The following ADAMTS6 variants were observed in gnomAD, a reference collection of about 807,000 sequenced individuals.
ADAMTS6 encodes the protein A disintegrin and metalloproteinase with thrombospondin motifs 6.
Under a neutral mutation model 144.3 loss-of-function variants are expected in ADAMTS6, and 23 were observed. The observed-to-expected ratio is 0.16, with a 90% CI of 0.11 to 0.23. The LOEUF is 0.23. ADAMTS6 is among the 10% of genes least tolerant of loss of function. The pLI is 1.00. For synonymous variants in ADAMTS6, 444 were observed against 457.5 expected (o/e 0.97, Z 0.38); for missense variants, 999 against 1,379.6 (o/e 0.72, Z 4.37).
chr5:65,427,625 C>T (rs985405257), intron 7 of ADAMTS6, among the ~76,000 whole-genome samples: 14 of 151,712 alleles, frequency 9.2e-5, no homozygotes, highest in African/African-American at 2.7e-4. Context: ...GGTGAAACCC[C>T]GTCTCTACTA....
intron 24 of ADAMTS6, among the ~76,000 whole-genome samples, chr5:65,166,934 A>G (rs2112041088): frequency 6.8e-6 from 1 of 146,102 alleles, no homozygotes; most frequent in Admixed American, 6.8e-5. Context: ...AAAGCAGGAA[A>G]GATCCAAAAT....
intron 7 of ADAMTS6, among the ~76,000 whole-genome samples, chr5:65,402,096 G>A (rs1182218181): frequency 1.3e-5 from 2 of 152,012 alleles, no homozygotes; most frequent in African/African-American, 2.4e-5. Flanking sequence ...TTCAAGCATT[G>A]CACTCTCTAC....
chr5:65,318,300 C>T (rs1745216239), intron 9 of ADAMTS6, among the ~76,000 whole-genome samples: 2 of 152,014 alleles, frequency 1.3e-5, no homozygotes, highest in African/African-American at 4.8e-5. Flanking sequence ...ATTAGTACAG[C>T]CACTATGAAG....
chr5:65,267,814 C>T (rs775350432), intron 12 of ADAMTS6, among the ~76,000 whole-genome samples: 1 of 152,094 alleles, frequency 6.6e-6, no homozygotes, highest in Non-Finnish European at 1.5e-5. Flanking sequence ...TAAGATTTTG[C>T]AGGAAGTAAT....
chr5:65,167,222 A>G (rs1753227545), intron 24 of ADAMTS6, among the ~76,000 whole-genome samples: 1 of 151,070 alleles, frequency 6.6e-6, no homozygotes, highest in South Asian at 2.1e-4. Context: ...TCCCACAGAA[A>G]TACAAACTAC....
At chr5:65,227,676 A>G (rs1047815645) in intron 15 of ADAMTS6, among the ~76,000 whole-genome samples, 1 of 152,246 alleles carries the variant, frequency 6.6e-6, no homozygotes, top group Non-Finnish European at 1.5e-5. Flanking sequence ...ATGATAAATT[A>G]GAGACAGCAC....
Position 65,214,894 on chromosome 5 carries a change from C to T in ADAMTS6, c.2475G>A (p.Lys825=), listed in dbSNP as rs555294248. The T allele has an allele frequency of 6.2e-7, 1 of 1,614,078 alleles. No individual in the cohort carries two copies. The highest frequency in any genetic ancestry group is 1.7e-5 in the Admixed American group (1 of 60,016). ...CAGTTCGAGTGATGGGAACATTGAACTTATACCTAATTCCCAAATTCTGTT... is the reference window on the plus strand; with the variant it reads ...CAGTTCGAGTGATGGGAACATTGAATTTATACCTAATTCCCAAATTCTGTT... The part of the protein sequence containing the change: ...LQEQNLGIRY[K]FNVPITRTGS... The change falls in exon 20 of 25, where the codon AAG becomes AAA. Residue 825 remains lysine, a synonymous_variant. Coordinates refer to ENST00000381055, the MANE Select transcript of ADAMTS6 (RefSeq NM_197941.4). The surrounding 1 kb of genome is among the most constrained non-coding windows in gnomAD (Gnocchi z 4.6).
intron 3 of ADAMTS6, among the ~76,000 whole-genome samples, chr5:65,466,191 T>G (rs1422531446): frequency 3.3e-5 from 5 of 152,184 alleles, no homozygotes; most frequent in Admixed American, 1.3e-4. Context: ...TTATCATTGA[T>G]TCTATTTTGT....
At chr5:65,152,629 G>T (rs1233113686) in intron 24 of ADAMTS6, among the ~76,000 whole-genome samples, 1 of 152,182 alleles carries the variant, frequency 6.6e-6, no homozygotes, top group Admixed American at 6.5e-5. Context: ...TGCTAGAACT[G>T]CCACAGTTGC....
intron 7 of ADAMTS6, among the ~76,000 whole-genome samples, chr5:65,375,203 A>T (rs1349080693): frequency 6.6e-6 from 1 of 152,258 alleles, no homozygotes; most frequent in African/African-American, 2.4e-5. Flanking sequence ...GGCATGGGCA[A>T]AGGCTTCATG....
At chr5:65,167,722 G>A (rs1445620588) in intron 24 of ADAMTS6, among the ~76,000 whole-genome samples, 1 of 111,760 alleles carries the variant, frequency 8.9e-6, no homozygotes, top group Non-Finnish European at 1.8e-5. Flanking sequence ...TGCAAGGCTG[G>A]TTCAATATAC....
rs1364247369 is a variant in ADAMTS6, at chr5:65,149,613, T to C, written c.*2223A>G. On this transcript the variant is annotated 3_prime_UTR_variant, in exon 25 of 25. Coordinates refer to ENST00000381055, the MANE Select transcript of ADAMTS6 (RefSeq NM_197941.4). ...TTCCAGGTGAGGTAAAAAATAGCTT[T>C]TAGTCGGTAATAAGAAATCTTTTTG... The C allele has an allele frequency of 2.6e-5, 4 of 152,624 alleles. No individual in the cohort carries two copies. The highest frequency in any genetic ancestry group is 5.9e-5 in the Non-Finnish European group (4 of 68,042). 9.5% of individuals were successfully genotyped at this position (152,624 alleles called of 1,614,324 possible).
At chr5:65,447,115 G>A (rs558708624) in intron 7 of ADAMTS6, among the ~76,000 whole-genome samples, 2 of 152,192 alleles carry the variant, frequency 1.3e-5, no homozygotes, top group Admixed American at 6.5e-5. Context: ...GCATTAGTCT[G>A]TTCGTGCTAA....
chr5:65,240,545 G>T lies in ADAMTS6; in HGVS notation c.1933+1559C>A, dbSNP rs559400935. Among the ~76,000 whole-genome samples, 175 of 152,228 alleles carry T rather than the reference G, an allele frequency of 1.1e-3. 3 individuals are homozygous for T. The South Asian group carries it at 0.03, about 26-fold the overall frequency. On this transcript the variant is annotated intron_variant, in intron 15 of 24. Coordinates refer to ENST00000381055, the MANE Select transcript of ADAMTS6 (RefSeq NM_197941.4). ...AATTTGAAGATGAGGCCTTTGGAAG[G>T]TAACTAGGTCATGACAGTGGAGCCC... is the stretch of plus-strand genomic sequence containing the variant.
intron 7 of ADAMTS6, among the ~76,000 whole-genome samples, chr5:65,340,964 A>T (rs1747764284): frequency 6.6e-6 from 1 of 152,014 alleles, no homozygotes; most frequent in South Asian, 2.1e-4. Flanking sequence ...AGATCTAAAG[A>T]GAGAGATAGG....
At chr5:65,342,449 TA>T (rs1254925875) in intron 7 of ADAMTS6, among the ~76,000 whole-genome samples, 1 of 152,074 alleles carries the variant, frequency 6.6e-6, no homozygotes, top group African/African-American at 2.4e-5. Flanking sequence ...ATGATTCAGT[TA>T]CCTCCCACCG....
In ADAMTS6 at chr5:65,262,824, T is replaced by G. The variant is rs1355297234; in HGVS notation, c.1759A>C (p.Ser587Arg). The change falls in exon 13 of 25, where the codon AGT becomes CGT. Residue 587 changes from serine to arginine, a missense_variant. By Grantham distance (110) the Ser-to-Arg change is moderately radical. Around this residue, in one of 3 missense-constraint regions of ADAMTS6, gnomAD observed 619 missense variants for 837.0 expected, o/e 0.74. Coordinates refer to ENST00000381055, the MANE Select transcript of ADAMTS6 (RefSeq NM_197941.4). Reference sequence around the variant, plus strand: ...CTTACTTTAGCTACTTACGCTGGACTGTCACAGTGTCTTAGGGATGAGGAG... The same window carrying G: ...CTTACTTTAGCTACTTACGCTGGACGGTCACAGTGTCTTAGGGATGAGGAG... Reference protein sequence around the residue: ...GVSSSLRHCDSPAPSGGGKYC... With the variant: ...GVSSSLRHCDRPAPSGGGKYC... 1 of 1,520,466 alleles carries G rather than the reference T, an allele frequency of 6.6e-7. No individual in the cohort carries two copies. Among genetic ancestry groups the G allele is most frequent in the Non-Finnish European group, 8.8e-7 (1 of 1,140,174 alleles). The allele number at this position is 1,520,466 out of a possible 1,614,324, so 94.2% of individuals were successfully genotyped here. A position where few individuals can be genotyped will look rare whatever the true frequency, so the allele number is the denominator to read the frequency against.
chr5:65,460,451 C>A, intron 3 of ADAMTS6, 113 bp from the exon 4 acceptor site: 1 of 955,836 alleles, frequency 1.0e-6, no homozygotes, highest in Non-Finnish European at 1.5e-6. Context: ...AGGGTTAAAA[C>A]ACGTTAATAA....
In ADAMTS6 at chr5:65,418,080, C is replaced by A. The variant is rs189079801; in HGVS notation, c.1073+33395G>T. On this transcript the variant is annotated intron_variant, in intron 7 of 24. Transcript: ENST00000381055. ...AAATAAAGCTGCACACCTACAACCACCTGATCGTCAACAAAATCAATGAAA... is the reference window on the plus strand; with the variant it reads ...AAATAAAGCTGCACACCTACAACCAACTGATCGTCAACAAAATCAATGAAA... 8.5e-5 allele frequency among the ~76,000 whole-genome samples: 13 copies of A among 152,100 alleles called. No homozygotes were observed. In the East Asian group the frequency reaches 2.5e-3, roughly 29 times the overall value.
Sources: gnomAD v4.1 joint callset for allele counts (sites outside exome capture counted in the v4.1 genomes callset) on GRCh38, gnomAD v4.1.1 for gene constraint, gnomAD v4.1.1 regional missense constraint, Gnocchi (gnomAD v3.1) non-coding constraint, MANE v1.5 for transcripts, NCBI Gene and HGNC (gene_info 2026-07-23, HGNC 2026-07-21) for gene names.